DOCK2: variants seen among roughly 807,000 people sequenced by gnomAD.
DOCK2 encodes the protein dedicator of cytokinesis 2.
DOCK2 carries 87 observed loss-of-function variants against 248.9 expected under a neutral mutation model. The ratio of observed to expected loss-of-function variants is 0.35; its 90% CI spans 0.29 to 0.42. DOCK2 has a LOEUF of 0.42. Among genes scored for constraint, DOCK2 ranks in the 10% least tolerant of loss-of-function variants. The pLI is 1.00. For missense variants in DOCK2, 1,747 were observed against 2,300.2 expected (o/e 0.76, Z 4.92); for synonymous variants, 805 against 821.6 (o/e 0.98, Z 0.35).
intron 26 of DOCK2, among the ~76,000 whole-genome samples, chr5:169,808,476 A>G (rs968367871): frequency 1.3e-5 from 2 of 151,896 alleles, no homozygotes; most frequent in Non-Finnish European, 2.9e-5. Context: ...TTTTTTTTTA[A>G]TCATAGTGTT....
chr5:169,766,577 G>A (rs1446776692), intron 25 of DOCK2, among the ~76,000 whole-genome samples: 11 of 152,116 alleles, frequency 7.2e-5, no homozygotes, highest in African/African-American at 2.4e-4. Context: ...GTGGTAGAAC[G>A]ATTTATCCTC....
intron 27 of DOCK2, among the ~76,000 whole-genome samples, chr5:169,841,096 G>A (rs1198912392): frequency 6.6e-6 from 1 of 152,126 alleles, no homozygotes; most frequent in African/African-American, 2.4e-5. Flanking sequence ...ATACCAGCAA[G>A]GGTGGACTAT....
At chr5:169,735,771 A>G (rs1300276618) in intron 22 of DOCK2, among the ~76,000 whole-genome samples, 2 of 152,166 alleles carry the variant, frequency 1.3e-5, no homozygotes, top group Non-Finnish European at 2.9e-5. Flanking sequence ...TCTGTTCTCA[A>G]TTGCTATAAA....
At chr5:169,720,565 A>G (rs1463483436) in intron 22 of DOCK2, among the ~76,000 whole-genome samples, 1 of 151,956 alleles carries the variant, frequency 6.6e-6, no homozygotes, top group African/African-American at 2.4e-5. Flanking sequence ...AGCTGCGCTA[A>G]TCCTCAAGGG....
At chr5:169,921,662 G>A (rs1463219314) in intron 27 of DOCK2, among the ~76,000 whole-genome samples, 1 of 152,188 alleles carries the variant, frequency 6.6e-6, no homozygotes, top group Non-Finnish European at 1.5e-5. Flanking sequence ...CCCTTACAGA[G>A]CTGTGGAGAG....
At chr5:169,898,356 T>G (rs1396509688) in intron 27 of DOCK2, among the ~76,000 whole-genome samples, 1 of 152,206 alleles carries the variant, frequency 6.6e-6, no homozygotes, top group Non-Finnish European at 1.5e-5. Context: ...CCAGGTGTAC[T>G]GTATGGTTAG....
At chr5:169,839,323 A>C (rs1769795348) in intron 26 of DOCK2, among the ~76,000 whole-genome samples, 1 of 152,202 alleles carries the variant, frequency 6.6e-6, no homozygotes. Context: ...CCAGAATTGC[A>C]CATGTCATTT....
In DOCK2 at chr5:169,864,213, G is replaced by A; in HGVS notation, c.2799+23361G>A. The A allele has an allele frequency of 2.8e-6, 4 of 1,422,866 alleles. No individual in the cohort carries two copies. In the South Asian group the frequency reaches 3.7e-5, roughly 13 times the overall value. 88.1% of individuals were successfully genotyped at this position (1,422,866 alleles called of 1,614,324 possible). ...AAGCAGGGCAGGCCTTAAGTGCAGT[G>A]GATTTCCCATCTCAGGGAAGTGCGT... On this transcript the variant is annotated intron_variant, in intron 27 of 51. Coordinates refer to ENST00000520908, the MANE Select transcript of DOCK2 (RefSeq NM_004946.3).
chr5:169,700,288 T>C (rs1259386678), intron 13 of DOCK2, 149 bp downstream of exon 13: 2 of 1,198,094 alleles, frequency 1.7e-6, no homozygotes, highest in East Asian at 5.3e-5. Flanking sequence ...AAATGATGTC[T>C]GTATATCCAA....
chr5:169,974,135 G>A lies in DOCK2; in HGVS notation c.2800-8933G>A, dbSNP rs113997232. Among the ~76,000 whole-genome samples the A allele has an allele frequency of 8.2e-3, 1,243 of 152,250 alleles. 15 individuals are homozygous for A. The highest frequency in any genetic ancestry group is 0.028 in the African/African-American group (1,151 of 41,544). ...TTTCTAAATTAAATGAAAGCATTCT[G>A]AAGTCAAGCTGATCTAGGCAACCTA... On this transcript the variant is annotated intron_variant, in intron 27 of 51. Coordinates refer to ENST00000520908, the MANE Select transcript of DOCK2 (RefSeq NM_004946.3).
At chr5:169,746,655 G>A (rs963423070) in intron 22 of DOCK2, among the ~76,000 whole-genome samples, 19 of 152,170 alleles carry the variant, frequency 1.2e-4, no homozygotes, top group Non-Finnish European at 2.5e-4. Flanking sequence ...GGGGGAAGGG[G>A]TTGATAACAG....
chr5:169,718,738 G>A lies in DOCK2; in HGVS notation c.2214G>A (p.Lys738=). Reference sequence around the variant, plus strand: ...GTGAGCCAATCCTAAGAACGCTGAAGGCTTTGGAATATGTGTTCAAGTTCA... The same window carrying A: ...GTGAGCCAATCCTAAGAACGCTGAAAGCTTTGGAATATGTGTTCAAGTTCA... ...EQCEPILRTL[K]ALEYVFKFIV... is the part of the protein sequence containing the mutation. Residue 738 remains lysine (K), a synonymous_variant, in exon 22 of 52, where the codon AAG becomes AAA. Transcript: ENST00000520908. 1.2e-6 allele frequency: 2 copies of A among 1,613,956 alleles called. No individual in the cohort carries two copies. Among genetic ancestry groups the A allele is most frequent in the Middle Eastern group, 1.7e-4 (1 of 6,060 alleles).
chr5:169,855,984 A>G (rs1385858879), intron 27 of DOCK2, among the ~76,000 whole-genome samples: 2 of 152,198 alleles, frequency 1.3e-5, no homozygotes, highest in East Asian at 3.8e-4. Context: ...CCTTCTTCAC[A>G]TGGCAGCAGG....
At chr5:169,671,575 C>T (rs1304246511) in intron 5 of DOCK2, among the ~76,000 whole-genome samples, 9 of 152,220 alleles carry the variant, frequency 5.9e-5, no homozygotes, top group Non-Finnish European at 1.5e-5. Flanking sequence ...ATACTTTAAC[C>T]AATGGCTATT....
At chr5:169,935,522 G>A (rs536263817) in intron 27 of DOCK2, among the ~76,000 whole-genome samples, 24 of 152,250 alleles carry the variant, frequency 1.6e-4, no homozygotes, top group East Asian at 1.9e-4. Context: ...GCAGCCATTC[G>A]GATATCAGGT....
intron 30 of DOCK2, among the ~76,000 whole-genome samples, chr5:170,003,630 A>G (rs941858733): frequency 8.5e-5 from 13 of 152,192 alleles, no homozygotes; most frequent in African/African-American, 3.1e-4. Flanking sequence ...GGAGACCAAA[A>G]TGCTCCTGTG....
chr5:169,883,707 C>T, intron 27 of DOCK2: 1 of 1,551,388 alleles, frequency 6.4e-7, no homozygotes, highest in Non-Finnish European at 8.7e-7. Flanking sequence ...TCTTCCCCAT[C>T]ACAGCCGGGT....
chr5:169,747,426 T>C lies in DOCK2; in HGVS notation c.2298T>C (p.Phe766=), dbSNP rs372634514. The C allele has an allele frequency of 6.2e-7, 1 of 1,613,710 alleles. No homozygotes were observed. The highest frequency in any genetic ancestry group is 8.5e-7 in the Non-Finnish European group (1 of 1,179,780). Residue 766 remains phenylalanine (F), a synonymous_variant, in exon 23 of 52, where the codon TTT becomes TTC. Transcript: ENST00000520908. ...ATGAAGGCAAAGAACAGATGGAGTT[T>C]GAAGAATCCATGAGACGGCTCTTTG... ...QLYEGKEQME[F]EESMRRLFES... is the part of the protein sequence containing the mutation.
intron 27 of DOCK2, among the ~76,000 whole-genome samples, chr5:169,914,564 A>T (rs185389630): frequency 1.3e-5 from 2 of 152,244 alleles, no homozygotes; most frequent in East Asian, 3.8e-4. Flanking sequence ...GGAAATGGTT[A>T]TATCTAATCT....
Sources: gnomAD v4.1 joint callset for allele counts (sites outside exome capture counted in the v4.1 genomes callset) on GRCh38, gnomAD v4.1.1 for gene constraint, MANE v1.5 for transcripts, NCBI Gene and HGNC (gene_info 2026-07-23, HGNC 2026-07-21) for gene names.